The following ANKS1B variants were observed in gnomAD, a reference collection of about 807,000 sequenced individuals.
ANKS1B encodes ankyrin repeat and sterile alpha motif domain containing 1B.
ANKS1B carries 36 observed loss-of-function variants against 148.3 expected under a neutral mutation model. That is an observed-to-expected ratio of 0.24 (90% CI 0.19 to 0.32). ANKS1B has a LOEUF of 0.32. Among genes scored for constraint, ANKS1B ranks in the 10% least tolerant of loss-of-function variants. The probability of loss-of-function intolerance (pLI) is 1.00; values close to 1 mark genes in which losing one functional copy is unlikely to be tolerated. For missense variants in ANKS1B, 1,157 were observed against 1,542.6 expected, an observed-to-expected ratio of 0.75 and a Z score of 4.19; for synonymous variants, 542 against 560.8, an observed-to-expected ratio of 0.97 and a Z score of 0.47.
At chr12:99,413,129 G>A (rs992756809) in intron 11 of ANKS1B, among the ~76,000 whole-genome samples, 5 of 152,166 alleles carry the variant, frequency 3.3e-5, no homozygotes, top group South Asian at 2.1e-4. Context: ...TTTAAGAGAC[G>A]TGGACATTCT....
chr12:98,890,665 A>T (rs1391974636), intron 17 of ANKS1B, among the ~76,000 whole-genome samples: 4 of 152,346 alleles, frequency 2.6e-5, no homozygotes, highest in Admixed American at 6.5e-5. Context: ...GCCTTAACTA[A>T]AACCAAAAAC....
At chr12:99,411,380 A>T (rs955938708) in intron 11 of ANKS1B, among the ~76,000 whole-genome samples, 2 of 152,174 alleles carry the variant, frequency 1.3e-5, no homozygotes, top group Non-Finnish European at 2.9e-5. Context: ...CAAGGACATG[A>T]TTTCATTCTT....
intron 17 of ANKS1B, among the ~76,000 whole-genome samples, chr12:98,862,025 CT>C (rs750802866): frequency 5.1e-4 from 78 of 152,098 alleles, no homozygotes; most frequent in Admixed American, 2.0e-3. Flanking sequence ...CATTTTCTTT[CT>C]TTTTAAAAAT....
intron 17 of ANKS1B, among the ~76,000 whole-genome samples, chr12:98,989,242 G>A (rs2099925193): frequency 6.6e-6 from 1 of 152,112 alleles, no homozygotes; most frequent in Admixed American, 6.6e-5. Context: ...ATAGTTTTGG[G>A]TCTAACATTT....
chr12:99,284,694 G>C (rs960064803), intron 12 of ANKS1B, among the ~76,000 whole-genome samples: 1 of 151,946 alleles, frequency 6.6e-6, no homozygotes, highest in South Asian at 2.1e-4. Flanking sequence ...GGAATAATCC[G>C]ACTAAAATGT....
chr12:99,402,138 A>G lies in ANKS1B; in HGVS notation c.1576-2327T>C, dbSNP rs956193006. 7.5e-5 allele frequency among the ~76,000 whole-genome samples: 11 copies of G among 146,074 alleles called. 1 individual carries two copies. The highest frequency in any genetic ancestry group is 2.6e-4 in the African/African-American group (10 of 38,588). ...AAACCGTAACTATAGGTTTCCTTTT[A>G]TTTCCTAGCCTGACTTGCCTTTGGG... On this transcript the variant is annotated intron_variant, in intron 11 of 26. Coordinates refer to ENST00000683438, the MANE Select transcript of ANKS1B (RefSeq NM_001352186.2).
intron 8 of ANKS1B, among the ~76,000 whole-genome samples, chr12:99,718,381 C>G (rs1378226459): frequency 1.3e-5 from 2 of 152,106 alleles, no homozygotes; most frequent in Non-Finnish European, 2.9e-5. Context: ...ATCCCCCCAC[C>G]TTAACCCACA....
intron 10 of ANKS1B, among the ~76,000 whole-genome samples, chr12:99,501,072 T>A (rs1567221599): frequency 6.7e-6 from 1 of 150,010 alleles, no homozygotes; most frequent in Non-Finnish European, 1.5e-5. Flanking sequence ...TAATTGGAAT[T>A]TTTTTCATTT....
At chr12:98,993,410 C>T (rs1349711507) in intron 17 of ANKS1B, among the ~76,000 whole-genome samples, 1 of 152,174 alleles carries the variant, frequency 6.6e-6, no homozygotes, top group Non-Finnish European at 1.5e-5. Flanking sequence ...CTCAAGTGAT[C>T]CGCCCGCCTT....
intron 17 of ANKS1B, among the ~76,000 whole-genome samples, chr12:99,039,538 A>G (rs1171326853): frequency 6.6e-6 from 1 of 152,198 alleles, no homozygotes. Flanking sequence ...TAAAAGGTGA[A>G]GTGTCTTGCC....
intron 14 of ANKS1B, among the ~76,000 whole-genome samples, chr12:99,215,455 C>T (rs934121216): frequency 6.6e-6 from 1 of 152,108 alleles, no homozygotes; most frequent in African/African-American, 2.4e-5. Flanking sequence ...CAGCTTGTAC[C>T]GTGTGTCTGG....
chr12:99,835,133 T>G (rs545968773), intron 1 of ANKS1B, among the ~76,000 whole-genome samples: 30 of 150,772 alleles, frequency 2.0e-4, no homozygotes, highest in South Asian at 8.4e-4. Context: ...AGGTGAGGAC[T>G]GGGCATGGTG....
chr12:98,794,822 A>G, intron 22 of ANKS1B: 3 of 1,590,386 alleles, frequency 1.9e-6, no homozygotes, highest in Non-Finnish European at 2.6e-6. Flanking sequence ...TTGAAGAAAA[A>G]TAAAGAGCTA....
intron 17 of ANKS1B, among the ~76,000 whole-genome samples, chr12:98,943,271 ATGTTCCAAAC>A (rs2099839903): frequency 6.6e-6 from 1 of 152,200 alleles, no homozygotes; most frequent in Non-Finnish European, 1.5e-5. Flanking sequence ...GCATCTGAGG[ATGTTCCAAAC>A]TCAAGGCTAT....
At chr12:99,540,903 AAAAG>A (rs1329128316) in intron 9 of ANKS1B, among the ~76,000 whole-genome samples, 3 of 152,092 alleles carry the variant, frequency 2.0e-5, no homozygotes, top group Non-Finnish European at 4.4e-5. Flanking sequence ...TGAACAAAAA[AAAAG>A]AGAGAGAAGA....
chr12:99,616,928 T>G (rs1598202477), intron 9 of ANKS1B, among the ~76,000 whole-genome samples: 2 of 151,664 alleles, frequency 1.3e-5, no homozygotes, highest in Admixed American at 1.3e-4. Flanking sequence ...TACAAGAACT[T>G]AAACAAATTT....
chr12:99,595,712 C>A (rs1042259994), intron 9 of ANKS1B, among the ~76,000 whole-genome samples: 2 of 151,796 alleles, frequency 1.3e-5, no homozygotes, highest in African/African-American at 4.8e-5. Context: ...TTAAAACATG[C>A]CCCTGTATAA....
chr12:99,743,633 A>G (rs2060320574), intron 8 of ANKS1B, among the ~76,000 whole-genome samples: 1 of 152,182 alleles, frequency 6.6e-6, no homozygotes, highest in Non-Finnish European at 1.5e-5. Flanking sequence ...ATGTAACTTT[A>G]TTCTGCGGTT....
chr12:98,740,644 G>T (rs189832660), downstream of ANKS1B, among the ~76,000 whole-genome samples: 371 of 152,226 alleles, frequency 2.4e-3, 2 homozygotes, highest in Non-Finnish European at 4.0e-3. Flanking sequence ...CAATGTAGTA[G>T]ACACTGCCAG....
Sources: gnomAD v4.1 joint callset for allele counts (sites outside exome capture counted in the v4.1 genomes callset) on GRCh38, gnomAD v4.1.1 for gene constraint, MANE v1.5 for transcripts, NCBI Gene and HGNC (gene_info 2026-07-23, HGNC 2026-07-21) for gene names.